Variants in GATAD2A observed in about 807,000 individuals in gnomAD.
GATAD2A encodes transcriptional repressor p66-alpha.
GATAD2A carries 12 observed loss-of-function variants against 68.5 expected under a neutral mutation model. The observed-to-expected ratio is 0.18, with a 90% confidence interval of 0.11 to 0.28. The LOEUF (loss-of-function observed/expected upper bound fraction) is 0.28, where lower values mean the gene tolerates loss of function less well. Ranked by LOEUF, GATAD2A falls within the 10% of genes least tolerant of loss-of-function variation. GATAD2A has a pLI of 1.00. For missense variants in GATAD2A, 755 were observed against 868.5 expected, an observed-to-expected ratio of 0.87 and a Z score of 1.64; for synonymous variants, 410 against 375.3, an observed-to-expected ratio of 1.09 and a Z score of -1.07.
rs556316265 is a variant in GATAD2A, at chr19:19,394,445, C to G, written c.-7+8307C>G. On this transcript the variant is annotated intron_variant, in intron 1 of 11. Coordinates refer to the GATAD2A transcript ENST00000360315. ...GATTTCCCTCTGCCCGGGCTTTCCT[C>G]TTTTTTTTTTTTTTTTTTGAGATGG... Among the ~76,000 whole-genome samples the G allele has an allele frequency of 5.4e-4, 72 of 132,160 alleles. No homozygotes were observed. In the South Asian group the frequency reaches 0.017, roughly 31 times the overall value. 86.7% of individuals were successfully genotyped at this position (132,160 alleles called of 152,430 possible). A position where few individuals can be genotyped will look rare whatever the true frequency, so the allele number is the denominator to read the frequency against.
At chr19:19,487,142 C>A (rs879070969) in intron 2 of GATAD2A, among the ~76,000 whole-genome samples, 2 of 152,244 alleles carry the variant, frequency 1.3e-5, no homozygotes, top group African/African-American at 2.4e-5. Flanking sequence ...GGAGGAGATT[C>A]CTGGCTCTGA....
At chr19:19,478,086 A>G (rs762859277) in intron 2 of GATAD2A, among the ~76,000 whole-genome samples, 4 of 152,166 alleles carry the variant, frequency 2.6e-5, no homozygotes, top group African/African-American at 7.2e-5. Context: ...AGTACCTCTC[A>G]CTTTTCAAAA....
intron 1 of GATAD2A, among the ~76,000 whole-genome samples, chr19:19,434,529 A>AC (rs2054105181): frequency 6.6e-6 from 1 of 152,170 alleles, no homozygotes; most frequent in Admixed American, 6.5e-5. Context: ...ATTGCCGTGA[A>AC]CCTAGTTTAA....
chr19:19,392,625 C>T (rs1300111861), intron 1 of GATAD2A, among the ~76,000 whole-genome samples: 2 of 151,162 alleles, frequency 1.3e-5, no homozygotes, highest in Non-Finnish European at 2.9e-5. Flanking sequence ...TCCCTGACCT[C>T]GTGATCCACC....
chr19:19,474,059 C>T (rs1041552091), intron 2 of GATAD2A: 8 of 984,552 alleles, frequency 8.1e-6, no homozygotes, highest in Admixed American at 6.1e-5. Flanking sequence ...TTGTCCAGAA[C>T]GTGGGAGTGT....
rs750157569 is a variant in GATAD2A, at chr19:19,465,404, C to T, written c.59C>T (p.Thr20Ile). 7 of 1,613,922 alleles carry T rather than the reference C, an allele frequency of 4.3e-6. No homozygotes were observed. The South Asian group carries it at 6.6e-5, about 15-fold the overall frequency. Residue 20 changes from threonine (T) to isoleucine (I), a missense_variant, in exon 2 of 12, where the codon ACA becomes ATA. Thr to Ile is a moderately conservative substitution (Grantham distance 89). Transcript: ENST00000683918. ...SQKRALERDP[T>I]EDDVESKKIK... ...AAACGAGCGCTTGAACGGGACCCAACAGAGGACGATGTGGAGAGCAAGAAA... is the reference window on the plus strand; with the variant it reads ...AAACGAGCGCTTGAACGGGACCCAATAGAGGACGATGTGGAGAGCAAGAAA...
At position 19,393,980 on chromosome 19, in the gene GATAD2A, G is replaced by A. The variant is rs553726270; in HGVS notation, c.-7+7842G>A. Among the ~76,000 whole-genome samples the A allele has an allele frequency of 3.1e-3, 475 of 151,728 alleles. 1 individual carries two copies. Among genetic ancestry groups the A allele is most frequent in the Non-Finnish European group, 5.5e-3 (372 of 67,896 alleles). The stretch of plus-strand genomic sequence containing the variant: ...TGGCTCACTGCAACCTCCACCTCCT[G>A]GGTTCAAGTGATTCTCCTACCTCAG... On this transcript the variant is annotated intron_variant, in intron 1 of 11. Transcript: ENST00000360315.
intron 1 of GATAD2A, chr19:19,464,682 A>G (rs1244764976): frequency 6.6e-6 from 1 of 152,554 alleles, no homozygotes; most frequent in Non-Finnish European, 1.5e-5. Flanking sequence ...AAATCAAGAT[A>G]TGTGTGTGCT....
intron 1 of GATAD2A, among the ~76,000 whole-genome samples, chr19:19,390,178 T>A (rs1383578401): frequency 6.6e-6 from 1 of 152,232 alleles, no homozygotes; most frequent in African/African-American, 2.4e-5. Flanking sequence ...CTTAGTTATG[T>A]GGCCTTGGAC....
intron 1 of GATAD2A, among the ~76,000 whole-genome samples, chr19:19,413,360 C>T (rs900137529): frequency 6.6e-6 from 1 of 152,126 alleles, no homozygotes. Context: ...GAATTGGTTC[C>T]GTCACTCTCG....
intron 1 of GATAD2A, among the ~76,000 whole-genome samples, chr19:19,412,008 G>T (rs1025546226): frequency 6.6e-5 from 10 of 151,958 alleles, no homozygotes; most frequent in Admixed American, 2.6e-4. Context: ...GGAGCCTAAG[G>T]CAGGCTGATT....
rs572693654 is a variant in GATAD2A, at chr19:19,498,769, A to G, written c.1204+47A>G. On this transcript the variant is annotated intron_variant, in intron 8 of 11. Coordinates refer to ENST00000683918, the MANE Select transcript of GATAD2A (RefSeq NM_001384528.1). ...GGGCTGCTTCCGCCTCTGGCCTCCA[A>G]GGGTGCTGCCCCGTGGGTTCTTTCC... 4.9e-5 allele frequency: 74 copies of G among 1,519,066 alleles called. No homozygotes were observed. In the Admixed American group the frequency reaches 1.2e-3, roughly 26 times the overall value. 94.1% of individuals were successfully genotyped at this position (1,519,066 alleles called of 1,614,324 possible).
chr19:19,390,891 C>T (rs980134165), intron 1 of GATAD2A, among the ~76,000 whole-genome samples: 1 of 152,060 alleles, frequency 6.6e-6, no homozygotes, highest in Non-Finnish European at 1.5e-5. Flanking sequence ...TGTACAAAGC[C>T]ATTTGACGCC....
At chr19:19,477,482 C>T (rs1184014441) in intron 2 of GATAD2A, among the ~76,000 whole-genome samples, 2 of 152,044 alleles carry the variant, frequency 1.3e-5, no homozygotes, top group Admixed American at 6.6e-5. Context: ...GGAGACTTGG[C>T]GTGTCTGCAG....
At chr19:19,447,664 A>G (rs1180945649) in intron 1 of GATAD2A, among the ~76,000 whole-genome samples, 1 of 152,190 alleles carries the variant, frequency 6.6e-6, no homozygotes, top group Non-Finnish European at 1.5e-5. Context: ...AGTTTGTTTC[A>G]TCATAGAAGT....
chr19:19,486,683 T>C (rs1266776800), intron 2 of GATAD2A, among the ~76,000 whole-genome samples: 1 of 152,100 alleles, frequency 6.6e-6, no homozygotes, highest in African/African-American at 2.4e-5. Context: ...TGGCTATGAG[T>C]GCTCTCAGGA....
chr19:19,407,355 T>C (rs982995806), intron 1 of GATAD2A, among the ~76,000 whole-genome samples: 12 of 152,268 alleles, frequency 7.9e-5, no homozygotes, highest in African/African-American at 2.9e-4. Context: ...GCCCTCGGGT[T>C]TGAGTGCCTA....
intron 2 of GATAD2A, among the ~76,000 whole-genome samples, chr19:19,477,177 G>T (rs184242865): frequency 6.6e-6 from 1 of 152,228 alleles, no homozygotes; most frequent in Non-Finnish European, 1.5e-5. Context: ...CTGAGGCTCG[G>T]GCAGATGCCA....
At chr19:19,407,452 G>A (rs998617355) in intron 1 of GATAD2A, among the ~76,000 whole-genome samples, 4 of 152,186 alleles carry the variant, frequency 2.6e-5, no homozygotes, top group African/African-American at 9.7e-5. Flanking sequence ...CGCTTTACAG[G>A]TCAGGAAATT....
Sources: allele counts gnomAD v4.1 joint callset (sites outside exome capture counted in the v4.1 genomes callset), GRCh38; gene constraint gnomAD v4.1.1; transcripts MANE v1.5; gene names NCBI Gene and HGNC (gene_info 2026-07-23, HGNC 2026-07-21).